Variants in KIF26B observed in about 807,000 individuals in gnomAD.
KIF26B encodes kinesin family member 26B, also known as kinesin-like protein KIF26B.
A neutral mutation model predicts 151.2 loss-of-function variants in KIF26B; 63 were observed. That is an observed-to-expected ratio of 0.42 (90% CI 0.34 to 0.51). The LOEUF (loss-of-function observed/expected upper bound fraction) is 0.51. KIF26B is among the 20% of genes least tolerant of loss of function. The pLI, the probability that KIF26B is intolerant of heterozygous loss-of-function variation, is 0.07. For missense variants in KIF26B, 2,813 were observed against 2,913.6 expected, an observed-to-expected ratio of 0.97 and a Z score of 0.79; for synonymous variants, 1,357 against 1,262.1, an observed-to-expected ratio of 1.08 and a Z score of -1.59.
At chr1:245,640,337 G>A (rs917966460) in intron 9 of KIF26B, among the ~76,000 whole-genome samples, 3 of 150,900 alleles carry the variant, frequency 2.0e-5, no homozygotes, top group Non-Finnish European at 3.0e-5. Flanking sequence ...CATTTGTATG[G>A]AATGCTTTTG....
intron 4 of KIF26B, among the ~76,000 whole-genome samples, chr1:245,467,914 G>A (rs1659830982): frequency 6.6e-6 from 1 of 151,872 alleles, no homozygotes; most frequent in South Asian, 2.1e-4. Flanking sequence ...TGGGGGGTTG[G>A]CAGTGGCCTT....
In KIF26B at chr1:245,170,273, G is replaced by A. The variant is rs1327732294; in HGVS notation, c.465+13590G>A. Among the ~76,000 whole-genome samples the A allele has an allele frequency of 6.6e-6, 1 of 152,158 alleles. No homozygotes were observed. The highest frequency in any genetic ancestry group is 1.9e-4 in the East Asian group (1 of 5,184). On this transcript the variant is annotated intron_variant, in intron 2 of 14. Transcript: ENST00000407071. This position sits in a 1 kb window ranked among gnomAD's most constrained non-coding sequence, Gnocchi z 4.4. Reference sequence around the variant, plus strand: ...AGAGCAGCGCCTTCACCTCGGTGGAGCTTAGTCTAGGCATTTATGGGTCGG... The same window carrying A: ...AGAGCAGCGCCTTCACCTCGGTGGAACTTAGTCTAGGCATTTATGGGTCGG...
rs1248472664 is a variant in KIF26B, at chr1:245,414,920, G to A, written c.1000-4659G>A. On this transcript the variant is annotated intron_variant, in intron 3 of 14. Transcript: ENST00000407071. ...TAAACTTCAGTAACTGAGGTCAGAT[G>A]GTAGAAGGAAGGGGAAAAAAACGGG... Among the ~76,000 whole-genome samples the A allele has an allele frequency of 2.0e-5, 3 of 152,198 alleles. No homozygotes were observed. The East Asian group carries it at 5.8e-4, about 29-fold the overall frequency.
intron 4 of KIF26B, among the ~76,000 whole-genome samples, chr1:245,461,027 A>G (rs913252401): frequency 3.9e-5 from 6 of 152,222 alleles, no homozygotes; most frequent in Non-Finnish European, 8.8e-5. Context: ...GACCCAGCAC[A>G]GGCGTTCTGG....
intron 3 of KIF26B, among the ~76,000 whole-genome samples, chr1:245,400,273 C>T (rs1673962911): frequency 6.6e-6 from 1 of 152,324 alleles, no homozygotes; most frequent in South Asian, 2.1e-4. Flanking sequence ...ATAATTTTGA[C>T]ATAGGCTTTC....
chr1:245,198,757 A>G (rs1669236062), intron 2 of KIF26B, among the ~76,000 whole-genome samples: 1 of 151,720 alleles, frequency 6.6e-6, no homozygotes. Flanking sequence ...AGTGCTCAGT[A>G]AATGTTGTTA....
intron 5 of KIF26B, among the ~76,000 whole-genome samples, chr1:245,552,035 A>G (rs1463824558): frequency 7.7e-6 from 1 of 129,882 alleles, no homozygotes; most frequent in Non-Finnish European, 1.7e-5. Context: ...AGAGCACTAC[A>G]CGGTGCCCAA....
Position 245,339,784 on chromosome 1 carries a change from A to G in KIF26B, c.466-27050A>G, listed in dbSNP as rs117482434. On this transcript the variant is annotated intron_variant, in intron 2 of 14. Coordinates refer to ENST00000407071, the MANE Select transcript of KIF26B (RefSeq NM_018012.4). ...GTTGCAGTTGTGTAGAGATTCACAC[A>G]TGTATGCTCTGTCAAGATTTACCAG... Among the ~76,000 whole-genome samples the G allele has an allele frequency of 5.8e-4, 88 of 152,332 alleles. No individual in the cohort carries two copies. In the East Asian group the frequency reaches 0.016, roughly 28 times the overall value.
intron 11 of KIF26B, 59 bp downstream of exon 11, chr1:245,684,454 G>C: frequency 6.7e-7 from 1 of 1,486,368 alleles, no homozygotes; most frequent in Non-Finnish European, 9.0e-7. Flanking sequence ...GCCGTGCCCT[G>C]GAACAGAGTC....
chr1:245,536,515 C>G (rs1661490854), intron 4 of KIF26B, among the ~76,000 whole-genome samples: 1 of 152,110 alleles, frequency 6.6e-6, no homozygotes, highest in African/African-American at 2.4e-5. Flanking sequence ...TGTGAACAAC[C>G]AAGATAATGG....
intron 9 of KIF26B, among the ~76,000 whole-genome samples, chr1:245,640,913 T>G (rs1299716152): frequency 6.6e-6 from 1 of 152,204 alleles, no homozygotes; most frequent in Non-Finnish European, 1.5e-5. Flanking sequence ...TTTTGTCTTT[T>G]AATCTTCTTA....
At chr1:245,558,796 T>C (rs1156359593) in intron 5 of KIF26B, among the ~76,000 whole-genome samples, 2 of 152,218 alleles carry the variant, frequency 1.3e-5, no homozygotes, top group Non-Finnish European at 1.5e-5. Flanking sequence ...TGACACTGTT[T>C]CACTCAGAAG....
chr1:245,219,264 G>A (rs534604132), intron 2 of KIF26B, among the ~76,000 whole-genome samples: 2 of 145,690 alleles, frequency 1.4e-5, no homozygotes, highest in African/African-American at 2.5e-5. Context: ...TCAGCCTCCC[G>A]AGTAGCTGGG....
rs758747421 is a variant in KIF26B, at chr1:245,686,224, C to T, written c.3241C>T (p.Pro1081Ser). The T allele has an allele frequency of 1.9e-6, 3 of 1,612,706 alleles. No individual in the cohort carries two copies. The highest frequency in any genetic ancestry group is 2.5e-6 in the Non-Finnish European group (3 of 1,179,892). The part of the protein sequence containing the change: ...ASLSKTSEYK[P>S]PSSPSQRCKV... ...CCTGTCCAAGACCTCGGAGTACAAG[C>T]CACCCAGCTCTCCTTCCCAGAGATG... Residue 1081 changes from proline (P) to serine (S), a missense_variant, in exon 12 of 15, where the codon CCA becomes TCA. By Grantham distance (74) the Pro-to-Ser change is moderately conservative. Around this residue, in one of 3 missense-constraint regions of KIF26B, gnomAD observed 2,060 missense variants for 2,088.6 expected, o/e 0.99. Transcript: ENST00000407071. The surrounding 1 kb of genome is among the most constrained non-coding windows in gnomAD (Gnocchi z 5.6).
intron 3 of KIF26B, among the ~76,000 whole-genome samples, chr1:245,395,499 A>G (rs901533121): frequency 2.0e-5 from 3 of 152,170 alleles, no homozygotes; most frequent in African/African-American, 7.2e-5. Context: ...CTCAGATGCC[A>G]CTACTGGACG....
rs1371962072 is a variant in KIF26B at position 245,374,986 on chromosome 1, C to T, written c.999+7619C>T. On this transcript the variant is annotated intron_variant, in intron 3 of 14. Coordinates refer to ENST00000407071, the MANE Select transcript of KIF26B (RefSeq NM_018012.4). ...AGGGGCCCCCCAACGATGCCCACAC[C>T]CTAATCCCCGCAATCTGTGGATGTG... Among the ~76,000 whole-genome samples the T allele has an allele frequency of 3.9e-5, 6 of 152,160 alleles. No homozygotes were observed. The East Asian group carries it at 9.6e-4, about 24-fold the overall frequency.
At chr1:245,384,601 G>A (rs1347979718) in intron 3 of KIF26B, among the ~76,000 whole-genome samples, 1 of 152,118 alleles carries the variant, frequency 6.6e-6, no homozygotes. Context: ...TCATTTTAAA[G>A]ATAAGGAAAA....
At chr1:245,325,406 T>A (rs974096932) in intron 2 of KIF26B, among the ~76,000 whole-genome samples, 6 of 152,148 alleles carry the variant, frequency 3.9e-5, no homozygotes, top group Admixed American at 2.0e-4. Context: ...AGAGAATTCA[T>A]AAAGACAGGC....
chr1:245,586,803 G>A (rs1475550242), intron 5 of KIF26B, among the ~76,000 whole-genome samples: 1 of 151,216 alleles, frequency 6.6e-6, no homozygotes, highest in East Asian at 1.9e-4. Context: ...GGAGAATGGC[G>A]TGAACCCGGG....
Sources: gnomAD v4.1 joint callset for allele counts (sites outside exome capture counted in the v4.1 genomes callset) on GRCh38, gnomAD v4.1.1 for gene constraint, gnomAD v4.1.1 regional missense constraint, Gnocchi (gnomAD v3.1) non-coding constraint, MANE v1.5 for transcripts, NCBI Gene and HGNC (gene_info 2026-07-23, HGNC 2026-07-21) for gene names.